Variants in CNTNAP5 observed in about 807,000 individuals in gnomAD.
CNTNAP5 encodes the protein contactin associated protein family member 5.
In CNTNAP5, 72 loss-of-function variants were observed where a neutral mutation model predicts 150.2. The ratio of observed to expected loss-of-function variants is 0.48; its 90% CI spans 0.40 to 0.58. CNTNAP5 has a LOEUF of 0.58. CNTNAP5 is among the 20% of genes least tolerant of loss of function. The pLI, the probability that CNTNAP5 is intolerant of heterozygous loss-of-function variation, is 0.00. For missense variants in CNTNAP5, 1,636 were observed against 1,626.2 expected, an observed-to-expected ratio of 1.01 and a Z score of -0.10; for synonymous variants, 672 against 619.8, an observed-to-expected ratio of 1.08 and a Z score of -1.25.
chr2:124,597,755 A>C (rs973103510), intron 11 of CNTNAP5, among the ~76,000 whole-genome samples: 1 of 151,936 alleles, frequency 6.6e-6, no homozygotes, highest in East Asian at 1.9e-4. Flanking sequence ...ACTTGGTTCC[A>C]TTCTCCGCAT....
chr2:124,586,196 A>T (rs1288034406), intron 11 of CNTNAP5, among the ~76,000 whole-genome samples: 4 of 152,206 alleles, frequency 2.6e-5, no homozygotes, highest in Non-Finnish European at 5.9e-5. Context: ...AAAGCCAAGG[A>T]TCAACGAATG....
chr2:124,434,178 A>G (rs1402613270), intron 4 of CNTNAP5, among the ~76,000 whole-genome samples: 1 of 152,210 alleles, frequency 6.6e-6, no homozygotes, highest in Admixed American at 6.5e-5. Context: ...AGTAAGCCAG[A>G]CATAGGTACT....
At chr2:124,364,043 C>T (rs922478586) in intron 3 of CNTNAP5, among the ~76,000 whole-genome samples, 1 of 152,092 alleles carries the variant, frequency 6.6e-6, no homozygotes, top group South Asian at 2.1e-4. Context: ...GATGATGGCT[C>T]TCCTCTACTC....
intron 1 of CNTNAP5, 66 bp from the exon 2 acceptor site, chr2:124,221,639 C>T (rs1686319085): frequency 9.5e-7 from 1 of 1,049,664 alleles, no homozygotes; most frequent in Non-Finnish European, 1.4e-6. Context: ...CTCAACTTCT[C>T]TTCTTATGGA....
intron 1 of CNTNAP5, among the ~76,000 whole-genome samples, chr2:124,030,361 A>G (rs1681011120): frequency 6.6e-6 from 1 of 152,174 alleles, no homozygotes; most frequent in African/African-American, 2.4e-5. Context: ...GTATACTTAC[A>G]GATCCAGTTT....
At chr2:124,166,047 A>T (rs918814528) in intron 1 of CNTNAP5, among the ~76,000 whole-genome samples, 4 of 152,144 alleles carry the variant, frequency 2.6e-5, no homozygotes, top group Admixed American at 6.6e-5. Context: ...ACAGAATATC[A>T]TCTAGACCTG....
intron 1 of CNTNAP5, among the ~76,000 whole-genome samples, chr2:124,028,341 C>T (rs1454925009): frequency 6.6e-6 from 1 of 151,630 alleles, no homozygotes; most frequent in African/African-American, 2.4e-5. Flanking sequence ...CATGCATTTA[C>T]ATTTCTCATA....
intron 10 of CNTNAP5, among the ~76,000 whole-genome samples, chr2:124,536,772 G>T (rs1333662617): frequency 1.3e-5 from 2 of 152,060 alleles, no homozygotes; most frequent in Non-Finnish European, 2.9e-5. Context: ...GATTTACGGG[G>T]GTCAAGGAGG....
chr2:124,805,470 C>T (rs1243859655), intron 19 of CNTNAP5, among the ~76,000 whole-genome samples: 1 of 152,162 alleles, frequency 6.6e-6, no homozygotes, highest in Non-Finnish European at 1.5e-5. Flanking sequence ...ACCTCAACCC[C>T]AACAACTTTG....
At chr2:124,612,819 A>G (rs1388533182) in intron 12 of CNTNAP5, among the ~76,000 whole-genome samples, 1 of 152,194 alleles carries the variant, frequency 6.6e-6, no homozygotes, top group Non-Finnish European at 1.5e-5. Flanking sequence ...TTGGGAGACC[A>G]AGGCAGGAGG....
chr2:124,301,635 C>T (rs1688569809), intron 3 of CNTNAP5, among the ~76,000 whole-genome samples: 1 of 152,188 alleles, frequency 6.6e-6, no homozygotes, highest in African/African-American at 2.4e-5. Flanking sequence ...CCTAAAACCT[C>T]ATTCCCAAAA....
chr2:124,880,927 A>T (rs1262601460), intron 21 of CNTNAP5, among the ~76,000 whole-genome samples: 3 of 152,136 alleles, frequency 2.0e-5, no homozygotes, highest in African/African-American at 4.8e-5. Flanking sequence ...ACCTCAATAG[A>T]TGGAGTACAT....
chr2:124,508,860 C>T (rs553915608), intron 8 of CNTNAP5, among the ~76,000 whole-genome samples: 1 of 152,182 alleles, frequency 6.6e-6, no homozygotes, highest in Non-Finnish European at 1.5e-5. Flanking sequence ...CAAACAAAAA[C>T]AGTTTTCTCT....
intron 7 of CNTNAP5, among the ~76,000 whole-genome samples, chr2:124,476,566 A>T (rs1408277065): frequency 6.6e-6 from 1 of 152,158 alleles, no homozygotes; most frequent in Non-Finnish European, 1.5e-5. Flanking sequence ...ATGATAGCTC[A>T]GTAGCGGCAG....
intron 3 of CNTNAP5, among the ~76,000 whole-genome samples, chr2:124,316,125 A>G (rs192363744): frequency 2.0e-5 from 3 of 152,280 alleles, no homozygotes; most frequent in East Asian, 1.9e-4. Context: ...TTTTATTGCC[A>G]TAATTATTTG....
chr2:124,784,735 G>A (rs1681527867), intron 17 of CNTNAP5, among the ~76,000 whole-genome samples: 1 of 152,190 alleles, frequency 6.6e-6, no homozygotes, highest in South Asian at 2.1e-4. Flanking sequence ...TTTAGGGCAA[G>A]GAGCTACATG....
At chr2:124,307,568 G>T (rs1352290386) in intron 3 of CNTNAP5, among the ~76,000 whole-genome samples, 1 of 152,152 alleles carries the variant, frequency 6.6e-6, no homozygotes, top group East Asian at 1.9e-4. Flanking sequence ...GTGAACTCAA[G>T]GGTTTTTGGC....
intron 7 of CNTNAP5, among the ~76,000 whole-genome samples, chr2:124,481,386 G>A (rs555370053): frequency 1.3e-5 from 2 of 152,270 alleles, no homozygotes; most frequent in African/African-American, 2.4e-5. Context: ...CCTGAAATTA[G>A]TGTTATGACT....
chr2:124,129,939 T>C (rs1683806562), intron 1 of CNTNAP5, among the ~76,000 whole-genome samples: 1 of 152,178 alleles, frequency 6.6e-6, no homozygotes, highest in Non-Finnish European at 1.5e-5. Flanking sequence ...CTGAAAGCAC[T>C]GAAGACATCA....
Sources: gnomAD v4.1 joint callset for allele counts (sites outside exome capture counted in the v4.1 genomes callset) on GRCh38, gnomAD v4.1.1 for gene constraint, MANE v1.5 for transcripts, NCBI Gene and HGNC (gene_info 2026-07-23, HGNC 2026-07-21) for gene names.